ROR1: variants seen among roughly 807,000 people sequenced by gnomAD.
The protein encoded by ROR1 is inactive tyrosine-protein kinase transmembrane receptor ROR1.
A neutral mutation model predicts 78.8 loss-of-function variants in ROR1; 19 were observed. That is an observed-to-expected ratio of 0.24 (90% CI 0.17 to 0.35). ROR1 has a LOEUF of 0.35. Among genes scored for constraint, ROR1 ranks in the 10% least tolerant of loss-of-function variants. ROR1 has a pLI of 1.00. For missense variants in ROR1, 917 were observed against 1,177.8 expected, an observed-to-expected ratio of 0.78 and a Z score of 3.24; for synonymous variants, 386 against 433.6, an observed-to-expected ratio of 0.89 and a Z score of 1.36.
chr1:64,044,651 C>T (rs1286174012), intron 2 of ROR1, among the ~76,000 whole-genome samples: 1 of 152,064 alleles, frequency 6.6e-6, no homozygotes, highest in Non-Finnish European at 1.5e-5. Context: ...CAAAGAAAAG[C>T]ATTTGAGTTC....
Position 64,178,524 on chromosome 1 carries a change from A to ATT in ROR1, c.2484_2485insTT (p.Ala829LeufsTer17). ...AATGGATACCCAATACCTCCTGGAT[A>ATT]TGCAGCGTTTCCAGCTGCCCACTAC... On this transcript the variant is annotated frameshift_variant, in exon 9 of 9. Coordinates refer to ENST00000371079, the MANE Select transcript of ROR1 (RefSeq NM_005012.4). LOFTEE classifies it high-confidence loss of function. This position sits in a 1 kb window ranked among gnomAD's most constrained non-coding sequence, Gnocchi z 4.3. The ATT allele has an allele frequency of 6.2e-7, 1 of 1,614,220 alleles. No individual in the cohort carries two copies.
chr1:64,121,662 A>C (rs1648547772), intron 4 of ROR1, among the ~76,000 whole-genome samples: 1 of 149,828 alleles, frequency 6.7e-6, no homozygotes, highest in Admixed American at 6.7e-5. Flanking sequence ...AATTGGTCTC[A>C]TTATTGTTTT....
intron 8 of ROR1, chr1:64,171,237 A>G: frequency 5.9e-6 from 1 of 170,822 alleles, no homozygotes; most frequent in Non-Finnish European, 1.2e-5. Flanking sequence ...GCGCCTCACA[A>G]TCATGACGGA....
At chr1:63,786,673 C>T (rs1453012695) in intron 1 of ROR1, among the ~76,000 whole-genome samples, 4 of 148,354 alleles carry the variant, frequency 2.7e-5, no homozygotes, top group African/African-American at 1.0e-4. Flanking sequence ...TAGAAATAAT[C>T]CTCCCACATC....
rs113023610 is a variant in ROR1 at position 64,175,258 on chromosome 1, T to C, written c.1387-2170T>C. Among the ~76,000 whole-genome samples, 808 of 152,122 alleles carry C rather than the reference T, an allele frequency of 5.3e-3. 9 individuals are homozygous for C. The highest frequency in any genetic ancestry group is 0.017 in the African/African-American group (714 of 41,530). ...GTTTCATGTGTTCTTTTTCTCCTTC[T>C]CTCTTACACAAAAGCAGCATCCAGC... is the stretch of plus-strand genomic sequence containing the variant. On this transcript the variant is annotated intron_variant, in intron 8 of 8. Transcript: ENST00000371079.
intron 1 of ROR1, among the ~76,000 whole-genome samples, chr1:63,978,034 G>A (rs1646176013): frequency 1.3e-5 from 2 of 152,078 alleles, no homozygotes; most frequent in African/African-American, 2.4e-5. Flanking sequence ...TCAACAACAG[G>A]CCCCTCCTTT....
chr1:63,825,166 C>T (rs1644945993), intron 1 of ROR1, among the ~76,000 whole-genome samples: 1 of 152,138 alleles, frequency 6.6e-6, no homozygotes, highest in Non-Finnish European at 1.5e-5. Flanking sequence ...CCAGGAGCTC[C>T]AGTCCTAGGT....
chr1:64,104,009 T>C (rs1478496445), intron 4 of ROR1, among the ~76,000 whole-genome samples: 1 of 152,106 alleles, frequency 6.6e-6, no homozygotes, highest in African/African-American at 2.4e-5. Flanking sequence ...TGCTGCTAAA[T>C]ATCGTACAGT....
intron 1 of ROR1, among the ~76,000 whole-genome samples, chr1:63,921,338 A>T (rs1433450235): frequency 6.6e-6 from 1 of 152,144 alleles, no homozygotes; most frequent in Non-Finnish European, 1.5e-5. Context: ...ATTTCTAACA[A>T]GCTCATGGGG....
chr1:64,115,194 TTTACTA>T (rs1648271642), intron 4 of ROR1, among the ~76,000 whole-genome samples: 1 of 151,896 alleles, frequency 6.6e-6, no homozygotes, highest in African/African-American at 2.4e-5. Context: ...TGCTCCACCA[TTTACTA>T]ACTAGGTGAC....
chr1:64,000,420 G>A (rs1237712777), intron 1 of ROR1, among the ~76,000 whole-genome samples: 1 of 152,096 alleles, frequency 6.6e-6, no homozygotes, highest in Non-Finnish European at 1.5e-5. Context: ...AGCATCCATT[G>A]AGTCTCCAGT....
chr1:63,816,633 G>A (rs888653080), intron 1 of ROR1, among the ~76,000 whole-genome samples: 3 of 152,084 alleles, frequency 2.0e-5, no homozygotes, highest in African/African-American at 7.2e-5. Flanking sequence ...CACCAGCATG[G>A]GTTTCTTTAG....
intron 8 of ROR1, among the ~76,000 whole-genome samples, chr1:64,163,267 A>AC (rs1649997042): frequency 1.5e-5 from 2 of 130,868 alleles, no homozygotes; most frequent in African/African-American, 5.7e-5. Flanking sequence ...ACACACACAC[A>AC]ATTCGCCAGG....
chr1:64,118,619 C>T (rs960443700), intron 4 of ROR1, among the ~76,000 whole-genome samples: 10 of 118,996 alleles, frequency 8.4e-5, no homozygotes, highest in Admixed American at 3.6e-4. Flanking sequence ...AGCTACAGAG[C>T]GAGACTCCAT....
chr1:63,970,470 C>G (rs285336), intron 1 of ROR1, among the ~76,000 whole-genome samples: 101,860 of 152,134 alleles, frequency 0.67, 38,349 homozygotes, highest in East Asian at 0.94. Flanking sequence ...GTTTTGTTCT[C>G]TTGGTCCTTC....
intron 1 of ROR1, among the ~76,000 whole-genome samples, chr1:63,886,791 C>T (rs1354564637): frequency 6.6e-6 from 1 of 152,198 alleles, no homozygotes; most frequent in African/African-American, 2.4e-5. Context: ...CCACCCACCT[C>T]CACACTGGCA....
intron 4 of ROR1, among the ~76,000 whole-genome samples, chr1:64,080,839 C>T (rs1259291463): frequency 6.6e-6 from 1 of 152,076 alleles, no homozygotes; most frequent in African/African-American, 2.4e-5. Context: ...CATGAAGGGC[C>T]CCTGTAGCCT....
At chr1:64,143,125 A>G in intron 7 of ROR1, 1 of 1,006,666 alleles carries the variant, frequency 9.9e-7, no homozygotes, top group Non-Finnish European at 1.2e-6. Flanking sequence ...GTCCTTCGTT[A>G]TGTCTGTTAA....
intron 1 of ROR1, among the ~76,000 whole-genome samples, chr1:63,996,479 C>T (rs1646337915): frequency 1.3e-5 from 2 of 152,150 alleles, no homozygotes; most frequent in Admixed American, 1.3e-4. Flanking sequence ...CATTGCCAGC[C>T]ATCCAGATTC....
Sources: allele counts gnomAD v4.1 joint callset (sites outside exome capture counted in the v4.1 genomes callset), GRCh38; gene constraint gnomAD v4.1.1; non-coding constraint Gnocchi (gnomAD v3.1); transcripts MANE v1.5; gene names NCBI Gene and HGNC (gene_info 2026-07-23, HGNC 2026-07-21).